The following NINL variants were observed in gnomAD, a reference collection of about 807,000 sequenced individuals.
NINL encodes the protein ninein-like protein.
NINL carries 153 observed loss-of-function variants against 160.3 expected under a neutral mutation model. That is an observed-to-expected ratio of 0.95 (90% confidence interval 0.84 to 1.09). NINL has a LOEUF of 1.09. Among genes scored for constraint, NINL ranks in the 50% least tolerant of loss-of-function variants. The probability of loss-of-function intolerance (pLI) is 0.00; values close to 1 mark genes in which losing one functional copy is unlikely to be tolerated. For synonymous variants in NINL, 800 were observed against 734.8 expected, an observed-to-expected ratio of 1.09 and a Z score of -1.43; for missense variants, 1,829 against 1,764.0, an observed-to-expected ratio of 1.04 and a Z score of -0.66.
intron 1 of NINL, among the ~76,000 whole-genome samples, chr20:25,557,312 C>T (rs1423155341): frequency 1.3e-5 from 2 of 152,116 alleles, no homozygotes; most frequent in Non-Finnish European, 2.9e-5. Context: ...GGGTGAATCA[C>T]TTGAGGTCAA....
Position 25,506,361 on chromosome 20 carries a change from CAA to C in NINL, c.518-1285_518-1284del, listed in dbSNP as rs2063961883. ...GAAAACTTTTCTAACTTACACAGAG[CAA>C]AGAGTAAAGTGAAGCCCACAGCACC... On this transcript the variant is annotated intron_variant, in intron 5 of 23. Transcript: ENST00000278886. Among the ~76,000 whole-genome samples the C allele has an allele frequency of 2.0e-5, 3 of 152,316 alleles. No individual in the cohort carries two copies. In the South Asian group the frequency reaches 6.2e-4, roughly 32 times the overall value.
At chr20:25,570,703 T>A (rs1215128674) in intron 1 of NINL, among the ~76,000 whole-genome samples, 1 of 138,918 alleles carries the variant, frequency 7.2e-6, no homozygotes, top group African/African-American at 2.7e-5. Flanking sequence ...ACTTTTTTTT[T>A]TTTTTTTTTT....
intron 13 of NINL, 73 bp downstream of exon 13, chr20:25,489,171 A>T: frequency 7.2e-7 from 1 of 1,384,376 alleles, no homozygotes; most frequent in Non-Finnish European, 1.0e-6. Flanking sequence ...CTCCTGCGTT[A>T]CTGTGGACCA....
chr20:25,527,156 A>AT (rs879518774), intron 1 of NINL, among the ~76,000 whole-genome samples: 3,446 of 146,722 alleles, frequency 0.023, 125 homozygotes, highest in African/African-American at 0.078. Context: ...ATACAATCTG[A>AT]TTTTTTTTTT....
At chr20:25,489,692 C>G (rs2387891) in intron 12 of NINL, among the ~76,000 whole-genome samples, 183 bp downstream of exon 12, 64,307 of 151,878 alleles carry the variant, frequency 0.42, 14,451 homozygotes, top group East Asian at 0.92. Context: ...GGCAGACGGC[C>G]CCCCACATTG....
At chr20:25,455,917 AC>A in intron 22 of NINL, 131 bp from the exon 23 acceptor site, 1 of 673,324 alleles carries the variant, frequency 1.5e-6, no homozygotes, top group Non-Finnish European at 2.7e-6. Flanking sequence ...ACATGGTGAA[AC>A]CCCATCTCTA....
chr20:25,460,059 CT>C (rs2062746612), intron 21 of NINL, among the ~76,000 whole-genome samples: 1 of 152,168 alleles, frequency 6.6e-6, no homozygotes. Flanking sequence ...CTGAGCTCCC[CT>C]GGGAGACCCT....
chr20:25,477,217 C>T (rs113671683), intron 16 of NINL, 128 bp from the exon 17 acceptor site: 3 of 871,440 alleles, frequency 3.4e-6, no homozygotes, highest in Non-Finnish European at 5.1e-6. Flanking sequence ...TATCCCTCCT[C>T]GCCTCCCTCA....
At chr20:25,556,188 G>A (rs1410971361) in intron 1 of NINL, among the ~76,000 whole-genome samples, 3 of 152,202 alleles carry the variant, frequency 2.0e-5, no homozygotes, top group African/African-American at 7.2e-5. Flanking sequence ...AGACTGAGGT[G>A]GGAGAGGACT....
In NINL at chr20:25,512,736, C is replaced by T; in HGVS notation, c.450+98G>A. Reference sequence around the variant, plus strand: ...GGGTGCCTGAGACGGTGGCTGCCCTCCCCATATCTTGTGATTATGTGCTAC... The same window carrying T: ...GGGTGCCTGAGACGGTGGCTGCCCTTCCCATATCTTGTGATTATGTGCTAC... On this transcript the variant is annotated intron_variant, in intron 4 of 23. Coordinates refer to ENST00000278886, the MANE Select transcript of NINL (RefSeq NM_025176.6). 3.5e-6 allele frequency: 5 copies of T among 1,436,186 alleles called. No homozygotes were observed. The Admixed American group carries it at 8.9e-5, about 26-fold the overall frequency. The allele number at this position is 1,436,186 out of a possible 1,614,324, so 89.0% of individuals were successfully genotyped here.
intron 10 of NINL, among the ~76,000 whole-genome samples, chr20:25,495,270 G>A (rs1269090219): frequency 6.6e-6 from 1 of 152,194 alleles, no homozygotes; most frequent in Non-Finnish European, 1.5e-5. Context: ...TCCAACATGC[G>A]ATGTGGCCAG....
At chr20:25,582,360 A>G (rs1039590654) in intron 1 of NINL, among the ~76,000 whole-genome samples, 7 of 151,428 alleles carry the variant, frequency 4.6e-5, no homozygotes, top group African/African-American at 1.7e-4. Flanking sequence ...ATGTTATCTG[A>G]GGTCAGGTGT....
chr20:25,507,125 G>T (rs1014172581), intron 5 of NINL, among the ~76,000 whole-genome samples: 1 of 152,140 alleles, frequency 6.6e-6, no homozygotes, highest in African/African-American at 2.4e-5. Flanking sequence ...CCACTGTTTT[G>T]TGGAATGTTC....
intron 5 of NINL, among the ~76,000 whole-genome samples, chr20:25,507,422 T>C (rs557820991): frequency 6.6e-6 from 1 of 152,296 alleles, no homozygotes; most frequent in East Asian, 1.9e-4. Flanking sequence ...AGCTTGAGAA[T>C]GAGGACAGAC....
intron 1 of NINL, among the ~76,000 whole-genome samples, chr20:25,558,209 ATTTC>A (rs1355250871): frequency 1.3e-5 from 2 of 152,038 alleles, no homozygotes; most frequent in African/African-American, 2.4e-5. Flanking sequence ...TCATTTATTT[ATTTC>A]TTTATTTATT....
At chr20:25,545,502 C>T (rs975329544) in intron 1 of NINL, among the ~76,000 whole-genome samples, 1 of 152,058 alleles carries the variant, frequency 6.6e-6, no homozygotes, top group East Asian at 1.9e-4. Flanking sequence ...GAATGGTGCC[C>T]TCCTCTCAGC....
chr20:25,535,550 A>T (rs1400344772), intron 1 of NINL, among the ~76,000 whole-genome samples: 1 of 152,148 alleles, frequency 6.6e-6, no homozygotes, highest in Non-Finnish European at 1.5e-5. Context: ...ACCTTCATAA[A>T]CTGGGGTGGG....
At position 25,505,009 on chromosome 20, in the gene NINL, G is replaced by A; in HGVS notation, c.587C>T (p.Thr196Ile). The change falls in exon 6 of 24, where the codon ACC becomes ATC. Residue 196 changes from threonine to isoleucine, a missense_variant. Coordinates refer to ENST00000278886, the MANE Select transcript of NINL (RefSeq NM_025176.6). ...CACGCCCCGGATCTGGCTCTCTGGG[G>A]TGTCAAAGGAGGGGCTGCAGGACTT... ...PQKSCSPSFD[T>I]PESQIRGVWE... 1 of 1,613,648 alleles carries A rather than the reference G, an allele frequency of 6.2e-7. No individual in the cohort carries two copies. The highest frequency in any genetic ancestry group is 8.5e-7 in the Non-Finnish European group (1 of 1,179,786).
intron 22 of NINL, among the ~76,000 whole-genome samples, chr20:25,457,876 G>C (rs1049903638): frequency 2.4e-4 from 36 of 152,350 alleles, no homozygotes; most frequent in African/African-American, 8.4e-4. Flanking sequence ...ACTGCTAGCA[G>C]GACTTTACAG....
Sources: gnomAD v4.1 joint callset for allele counts (sites outside exome capture counted in the v4.1 genomes callset) on GRCh38, gnomAD v4.1.1 for gene constraint, MANE v1.5 for transcripts, NCBI Gene and HGNC (gene_info 2026-07-23, HGNC 2026-07-21) for gene names.